The following AFG2A variants were observed in gnomAD, a reference collection of about 807,000 sequenced individuals.
AFG2A encodes the protein ATPase family gene 2 protein homolog A.
At chr4:123,183,250 A>G in the AFG2A span, among the ~76,000 whole-genome samples, 1 of 152,226 alleles carries the variant, frequency 6.6e-6, no homozygotes, top group Non-Finnish European at 1.5e-5. Flanking sequence ...TAAAGGTAAT[A>G]CAGGTAGTAA....
the AFG2A span, among the ~76,000 whole-genome samples, chr4:123,086,046 A>G: frequency 6.6e-6 from 1 of 152,176 alleles, no homozygotes; most frequent in Non-Finnish European, 1.5e-5. Context: ...AACTATAGGT[A>G]TCAAATACAT....
At chr4:123,291,906 G>A in the AFG2A span, among the ~76,000 whole-genome samples, 2 of 152,166 alleles carry the variant, frequency 1.3e-5, no homozygotes, top group African/African-American at 2.4e-5. Context: ...GTATTTGGAT[G>A]TCTAAGTCTC....
the AFG2A span, among the ~76,000 whole-genome samples, chr4:123,093,016 T>C: frequency 0.14 from 21,884 of 152,178 alleles, 2,061 homozygotes; most frequent in East Asian, 0.45. Flanking sequence ...TTAAGGATCC[T>C]GCAAAAGCCC....
At chr4:123,026,123 G>A in the AFG2A span, among the ~76,000 whole-genome samples, 4 of 151,656 alleles carry the variant, frequency 2.6e-5, no homozygotes, top group South Asian at 6.3e-4. Context: ...GTGTGTGTGT[G>A]TGTGTGTGTG....
the AFG2A span, among the ~76,000 whole-genome samples, chr4:123,189,766 G>A: frequency 1.5e-4 from 21 of 141,792 alleles, no homozygotes; most frequent in African/African-American, 5.5e-4. Context: ...TACTAGTTTA[G>A]TCTGAGTTAA....
chr4:123,022,213 T>G, the AFG2A span, among the ~76,000 whole-genome samples: 1 of 151,630 alleles, frequency 6.6e-6, no homozygotes, highest in South Asian at 2.1e-4. Flanking sequence ...AAAGAGCTTC[T>G]GCACAGCAAA....
chr4:123,172,298 A>G, the AFG2A span, among the ~76,000 whole-genome samples: 1 of 152,246 alleles, frequency 6.6e-6, no homozygotes, highest in South Asian at 2.1e-4. Flanking sequence ...GGGGCAGCAT[A>G]CACAAGATAA....
At chr4:123,030,572 C>T in the AFG2A span, among the ~76,000 whole-genome samples, 1 of 152,072 alleles carries the variant, frequency 6.6e-6, no homozygotes, top group Non-Finnish European at 1.5e-5. Context: ...CAATTGAGTT[C>T]ATAACTCAGA....
chr4:123,247,724 G>C, the AFG2A span, among the ~76,000 whole-genome samples: 264 of 152,216 alleles, frequency 1.7e-3, 1 homozygote, highest in African/African-American at 6.2e-3. Flanking sequence ...GTGCCACTGT[G>C]CCTAGCCTGA....
the AFG2A span, among the ~76,000 whole-genome samples, chr4:123,149,087 A>T: frequency 3.9e-5 from 6 of 152,228 alleles, no homozygotes; most frequent in East Asian, 9.7e-4. Context: ...CTGTTTTTAT[A>T]CCACTGTTAC....
the AFG2A span, among the ~76,000 whole-genome samples, chr4:122,968,201 A>G: frequency 8.9e-4 from 135 of 152,244 alleles, 3 homozygotes; most frequent in South Asian, 0.025. Flanking sequence ...CCATCCCTCA[A>G]TGTTATTTAA....
At chr4:123,140,616 T>C in the AFG2A span, among the ~76,000 whole-genome samples, 1 of 152,110 alleles carries the variant, frequency 6.6e-6, no homozygotes, top group Non-Finnish European at 1.5e-5. Flanking sequence ...GGGTAACCCT[T>C]TGTATACTTG....
chr4:123,032,287 C>T, the AFG2A span, among the ~76,000 whole-genome samples: 10 of 152,196 alleles, frequency 6.6e-5, no homozygotes. Context: ...GTGCACAATT[C>T]AGAGTACAGG....
chr4:123,205,449 GA>G, the AFG2A span, among the ~76,000 whole-genome samples: 3,278 of 148,938 alleles, frequency 0.022, 109 homozygotes, highest in African/African-American at 0.076. Context: ...AAATTTTTAA[GA>G]AAAAAAAACA....
the AFG2A span, among the ~76,000 whole-genome samples, chr4:123,033,426 A>C: frequency 6.6e-6 from 1 of 152,186 alleles, no homozygotes; most frequent in African/African-American, 2.4e-5. Flanking sequence ...AGATAGTTTA[A>C]GTAGTTTCTG....
chr4:123,032,566 C>T, the AFG2A span, among the ~76,000 whole-genome samples: 1 of 152,062 alleles, frequency 6.6e-6, no homozygotes, highest in Non-Finnish European at 1.5e-5. Flanking sequence ...CAGGCATCCA[C>T]GACTATGCCC....
the AFG2A span, among the ~76,000 whole-genome samples, chr4:122,948,435 G>GACACACACACACACAC: frequency 1.1e-5 from 1 of 94,614 alleles, no homozygotes. Flanking sequence ...CACACACACG[G>GACACACACACACACAC]ACATGTAATC....
chr4:123,211,504 A>T, the AFG2A span, among the ~76,000 whole-genome samples: 1 of 152,142 alleles, frequency 6.6e-6, no homozygotes, highest in Non-Finnish European at 1.5e-5. Flanking sequence ...GATCAGAAAG[A>T]CCTATATTTT....
At chr4:122,931,263 A>G in the AFG2A span, among the ~76,000 whole-genome samples, 1 of 152,054 alleles carries the variant, frequency 6.6e-6, no homozygotes, top group African/African-American at 2.4e-5. Context: ...GATACATGCA[A>G]TTTTCTCATT....
Sources: gnomAD v4.1 joint callset for allele counts (sites outside exome capture counted in the v4.1 genomes callset) on GRCh38, gnomAD v4.1.1 for gene constraint, MANE v1.5 for transcripts, NCBI Gene and HGNC (gene_info 2026-07-23, HGNC 2026-07-21) for gene names.